SCAMP1: variants seen among roughly 807,000 people sequenced by gnomAD.
SCAMP1 encodes secretory carrier-associated membrane protein 1.
Under a neutral mutation model 41.8 loss-of-function variants are expected in SCAMP1, and 15 were observed. The ratio of observed to expected loss-of-function variants is 0.36; its 90% CI spans 0.24 to 0.55. The LOEUF (loss-of-function observed/expected upper bound fraction) is 0.55, where lower values mean the gene tolerates loss of function less well. SCAMP1 is among the 20% of genes least tolerant of loss of function. SCAMP1 has a pLI of 0.86. For synonymous variants in SCAMP1, 135 were observed against 136.8 expected, an observed-to-expected ratio of 0.99 and a Z score of 0.09; for missense variants, 341 against 412.6, an observed-to-expected ratio of 0.83 and a Z score of 1.50.
At chr5:78,412,264 CT>C (rs1204447612) in intron 2 of SCAMP1, among the ~76,000 whole-genome samples, 1 of 151,860 alleles carries the variant, frequency 6.6e-6, no homozygotes, top group Admixed American at 6.6e-5. Flanking sequence ...ATTATGATTT[CT>C]TTCCCCTCAT....
chr5:78,437,835 G>T (rs548857782), intron 6 of SCAMP1, among the ~76,000 whole-genome samples: 1 of 152,124 alleles, frequency 6.6e-6, no homozygotes, highest in East Asian at 1.9e-4. Context: ...CTGTGAATCC[G>T]TCTGGTCCTG....
At chr5:78,430,126 T>A (rs1752571513) in intron 6 of SCAMP1, among the ~76,000 whole-genome samples, 1 of 47,524 alleles carries the variant, frequency 2.1e-5, no homozygotes, top group Admixed American at 2.2e-4. Context: ...AAATACAGTA[T>A]TTATTTATAA....
chr5:78,377,015 G>A (rs1413950650), intron 1 of SCAMP1, among the ~76,000 whole-genome samples: 1 of 152,070 alleles, frequency 6.6e-6, no homozygotes, highest in East Asian at 1.9e-4. Context: ...CTACCTTGGG[G>A]GAAAGGCTTC....
intron 6 of SCAMP1, among the ~76,000 whole-genome samples, chr5:78,449,690 T>A (rs1007592364): frequency 6.6e-6 from 1 of 152,198 alleles, no homozygotes; most frequent in African/African-American, 2.4e-5. Flanking sequence ...AGTTGGAAAT[T>A]GAAAGTTTGT....
intron 8 of SCAMP1, among the ~76,000 whole-genome samples, chr5:78,470,014 C>T (rs1316370387): frequency 6.8e-6 from 1 of 146,852 alleles, no homozygotes; most frequent in Non-Finnish European, 1.5e-5. Context: ...CACTTGAACC[C>T]AGGAGTTTGA....
In SCAMP1 at chr5:78,480,277, A is replaced by G. The variant is rs76816348; in HGVS notation, c.*4609A>G. On this transcript the variant is annotated 3_prime_UTR_variant, in exon 9 of 9. Coordinates refer to ENST00000621999, the MANE Select transcript of SCAMP1 (RefSeq NM_004866.6). ...CTGTAATAGGAGCAGAAAATAGTTA[A>G]TCATCCACCTAGTAATATAAGATTA... is the stretch of plus-strand genomic sequence containing the variant. 0.011 allele frequency among the ~76,000 whole-genome samples: 1,610 copies of G among 152,354 alleles called. 37 individuals are homozygous for G. The highest frequency in any genetic ancestry group is 0.037 in the African/African-American group (1,518 of 41,574).
chr5:78,454,824 TG>T, intron 7 of SCAMP1, among the ~76,000 whole-genome samples: 1 of 152,368 alleles, frequency 6.6e-6, no homozygotes, highest in East Asian at 1.9e-4. Context: ...GGACTCTTTT[TG>T]GTTGGTAAAA....
chr5:78,460,287 G>C (rs1338229808), intron 8 of SCAMP1, among the ~76,000 whole-genome samples: 3 of 152,106 alleles, frequency 2.0e-5, no homozygotes, highest in African/African-American at 7.2e-5. Flanking sequence ...GTGATTGCTG[G>C]GTTGAATGGA....
At chr5:78,436,019 G>A (rs1269507546) in intron 6 of SCAMP1, among the ~76,000 whole-genome samples, 2 of 152,162 alleles carry the variant, frequency 1.3e-5, no homozygotes, top group African/African-American at 2.4e-5. Flanking sequence ...CTGCATAAAT[G>A]TCTTCTTTTG....
At position 78,404,453 on chromosome 5, in the gene SCAMP1, G is replaced by GTTTTTTTTTTTT. The variant is rs3058233; in HGVS notation, c.136-11058_136-11047dup. On this transcript the variant is annotated intron_variant, in intron 2 of 8. Transcript: ENST00000621999. ...TGAGCCACTGTGCCCAGCCTTACAG[G>GTTTTTTTTTTTT]TTTTTTTTTTTTTTTTTTTTGCTAG... Among the ~76,000 whole-genome samples the GTTTTTTTTTTTT allele has an allele frequency of 2.7e-3, 269 of 98,146 alleles. 14 individuals are homozygous for GTTTTTTTTTTTT. The highest frequency in any genetic ancestry group is 6.8e-3 in the African/African-American group (150 of 22,222). The allele number at this position is 98,146 out of a possible 152,430, so 64.4% of individuals were successfully genotyped here. A position where few individuals can be genotyped will look rare whatever the true frequency, so the allele number is the denominator to read the frequency against.
At chr5:78,458,443 C>T (rs542901074) in intron 7 of SCAMP1, among the ~76,000 whole-genome samples, 1 of 152,206 alleles carries the variant, frequency 6.6e-6, no homozygotes, top group East Asian at 1.9e-4. Context: ...TAAAATGTCT[C>T]TGCATGTCTT....
At chr5:78,360,824 T>C in intron 1 of SCAMP1, 96 bp downstream of exon 1, 1 of 1,271,184 alleles carries the variant, frequency 7.9e-7, no homozygotes, top group South Asian at 1.3e-5. Context: ...GCCCCTCGGC[T>C]CCCCTTAGCA....
At chr5:78,391,050 T>G (rs1338330761) in intron 2 of SCAMP1, among the ~76,000 whole-genome samples, 1 of 152,166 alleles carries the variant, frequency 6.6e-6, no homozygotes, top group African/African-American at 2.4e-5. Flanking sequence ...CCATGTCTAC[T>G]TCTTTCTACA....
At chr5:78,454,219 G>A (rs1209314106) in intron 7 of SCAMP1, among the ~76,000 whole-genome samples, 1 of 151,970 alleles carries the variant, frequency 6.6e-6, no homozygotes, top group Non-Finnish European at 1.5e-5. Flanking sequence ...CCAACACTAT[G>A]TTGAATAGGA....
chr5:78,400,657 C>T (rs1198986998), intron 2 of SCAMP1, among the ~76,000 whole-genome samples: 1 of 152,176 alleles, frequency 6.6e-6, no homozygotes, highest in Non-Finnish European at 1.5e-5. Context: ...TTGTTCATTG[C>T]TGTTACATAT....
chr5:78,437,798 C>G (rs1752799007), intron 6 of SCAMP1, among the ~76,000 whole-genome samples: 1 of 152,294 alleles, frequency 6.6e-6, no homozygotes, highest in African/African-American at 2.4e-5. Context: ...GGTACCAGCT[C>G]CTCTTTGTAC....
At chr5:78,388,484 G>A (rs1296453523) in intron 1 of SCAMP1, among the ~76,000 whole-genome samples, 3 of 152,190 alleles carry the variant, frequency 2.0e-5, no homozygotes, top group South Asian at 2.1e-4. Context: ...AAGGGGGAAC[G>A]TGAACTCTTT....
intron 2 of SCAMP1, among the ~76,000 whole-genome samples, chr5:78,391,626 C>T (rs561902951): frequency 2.0e-5 from 3 of 152,176 alleles, no homozygotes; most frequent in Non-Finnish European, 4.4e-5. Flanking sequence ...AGAGGCTGCA[C>T]TCCCGGCACT....
chr5:78,362,037 T>C (rs1388621041), intron 1 of SCAMP1, among the ~76,000 whole-genome samples: 1 of 152,242 alleles, frequency 6.6e-6, no homozygotes, highest in Non-Finnish European at 1.5e-5. Context: ...CACTTAAAAT[T>C]CAGTACAACT....
Sources: gnomAD v4.1 joint callset for allele counts (sites outside exome capture counted in the v4.1 genomes callset) on GRCh38, gnomAD v4.1.1 for gene constraint, MANE v1.5 for transcripts, NCBI Gene and HGNC (gene_info 2026-07-23, HGNC 2026-07-21) for gene names.